Variants in AOX1 observed in about 807,000 individuals in gnomAD.
AOX1 encodes the protein aldehyde oxidase.
A neutral mutation model predicts 169.5 loss-of-function variants in AOX1; 153 were observed. That is an observed-to-expected ratio of 0.90 (90% CI 0.79 to 1.03). The LOEUF (loss-of-function observed/expected upper bound fraction) is 1.03, where lower values mean the gene tolerates loss of function less well. Ranked by LOEUF, AOX1 falls within the 50% of genes least tolerant of loss-of-function variation. The probability of loss-of-function intolerance (pLI) is 0.00; values close to 1 mark genes in which losing one functional copy is unlikely to be tolerated. For missense variants in AOX1, 1,656 were observed against 1,663.9 expected, an observed-to-expected ratio of 1.00 and a Z score of 0.08; for synonymous variants, 562 against 581.9, an observed-to-expected ratio of 0.97 and a Z score of 0.49.
intron 33 of AOX1, among the ~76,000 whole-genome samples, 169 bp from the exon 34 acceptor site, chr2:200,669,406 T>A (rs1273751792): frequency 2.0e-5 from 3 of 151,466 alleles, no homozygotes; most frequent in Non-Finnish European, 4.4e-5. Context: ...ATTGTGTCAC[T>A]ACACTCCAGT....
chr2:200,623,794 G>C, intron 18 of AOX1, 67 bp from the exon 19 acceptor site: 1 of 1,607,498 alleles, frequency 6.2e-7, no homozygotes, highest in East Asian at 2.2e-5. Context: ...GAGGGAGGAA[G>C]AAAATGAATA....
chr2:200,600,749 T>C (rs910944357), intron 5 of AOX1, among the ~76,000 whole-genome samples: 5 of 152,188 alleles, frequency 3.3e-5, no homozygotes, highest in African/African-American at 1.2e-4. Context: ...GATCTTATCA[T>C]GAATTTGATT....
chr2:200,661,133 C>T lies in AOX1; in HGVS notation c.3376-446C>T, dbSNP rs180777716. On this transcript the variant is annotated intron_variant, in intron 29 of 34. Coordinates refer to ENST00000374700, the MANE Select transcript of AOX1 (RefSeq NM_001159.4). ...TACAATTTAGCAAAATTATTCCCCT[C>T]ACCTGAAACAAATGTGTCCAGAAAG... is the stretch of plus-strand genomic sequence containing the variant. Among the ~76,000 whole-genome samples the T allele has an allele frequency of 4.6e-3, 696 of 152,290 alleles. 4 individuals are homozygous for T. The highest frequency in any genetic ancestry group is 0.013 in the South Asian group (62 of 4,816).
rs540242322 is a variant in AOX1, at chr2:200,602,296, G to C, written c.449G>C (p.Arg150Pro). 6.2e-7 allele frequency: 1 copy of C among 1,613,520 alleles called. No individual in the cohort carries two copies. The highest frequency in any genetic ancestry group is 1.3e-5 in the African/African-American group (1 of 74,876). The change falls in exon 6 of 35, where the codon CGT becomes CCT. Residue 150 changes from arginine (R) to proline (P), a missense_variant. By Grantham distance (103) the Arg-to-Pro change is moderately radical. Coordinates refer to ENST00000374700, the MANE Select transcript of AOX1 (RefSeq NM_001159.4). The part of the protein sequence containing the change: ...LTDALGGNLC[R>P]CTGYRPIIDA... ...TTTTCTCCTTCAGGTAACCTGTGCC[G>C]TTGCACTGGATACAGGCCCATAATT...
rs1251274583 is a variant in AOX1 at position 200,659,784 on chromosome 2, TCTCACACACACA to T, written c.3301-209_3301-198del. On this transcript the variant is annotated intron_variant, in intron 28 of 34. Transcript: ENST00000374700. ...CATGGCTTACAAGGCCAGTTCTCTC[TCTCACACACACA>T]CACACACACACACACACACACACAC... is the stretch of plus-strand genomic sequence containing the variant. 1.2e-3 allele frequency among the ~76,000 whole-genome samples: 94 copies of T among 79,626 alleles called. No individual in the cohort carries two copies. The East Asian group carries it at 0.047, about 40-fold the overall frequency. 52.2% of individuals were successfully genotyped at this position (79,626 alleles called of 152,430 possible).
At chr2:200,668,974 CCAAATCTTAGAA>C (rs2105778365) in intron 33 of AOX1, among the ~76,000 whole-genome samples, 171 bp downstream of exon 33, 1 of 152,200 alleles carries the variant, frequency 6.6e-6, no homozygotes, top group East Asian at 1.9e-4. Context: ...TTTTAGTATT[CCAAATCTTAGAA>C]CTTAACATCA....
Position 200,627,394 on chromosome 2 carries a change from A to G in AOX1, c.2166A>G (p.Lys722=). The change falls in exon 20 of 35, where the codon AAA becomes AAG. Residue 722 remains lysine (K), a synonymous_variant. Coordinates refer to ENST00000374700, the MANE Select transcript of AOX1 (RefSeq NM_001159.4). The stretch of plus-strand genomic sequence containing the variant: ...ACTCCTCCTTCAAGCCAGAAAGGAA[A>G]CTGGAATATGGAAATGTTGACGAAG... ...QHNSSFKPER[K]LEYGNVDEAF... 6.2e-7 allele frequency: 1 copy of G among 1,613,946 alleles called. No individual in the cohort carries two copies. Among genetic ancestry groups the G allele is most frequent in the East Asian group, 2.2e-5 (1 of 44,884 alleles).
chr2:200,641,229 A>G, intron 24 of AOX1, 45 bp downstream of exon 24: 8 of 1,331,380 alleles, frequency 6.0e-6, no homozygotes, highest in Non-Finnish European at 7.5e-6. Flanking sequence ...AAAGAGTGTT[A>G]CATAAAATAA....
intron 3 of AOX1, among the ~76,000 whole-genome samples, chr2:200,597,001 G>A (rs1209991686): frequency 6.6e-6 from 1 of 152,276 alleles, no homozygotes; most frequent in East Asian, 1.9e-4. Context: ...AGGTGTTGGT[G>A]AAGTCTGGCT....
intron 29 of AOX1, among the ~76,000 whole-genome samples, 168 bp downstream of exon 29, chr2:200,660,237 T>C (rs1034467554): frequency 1.3e-5 from 2 of 152,230 alleles, no homozygotes; most frequent in African/African-American, 4.8e-5. Context: ...GGAAATCCTA[T>C]CACAGTGTGG....
intron 1 of AOX1, chr2:200,588,049 C>T (rs1019157840): frequency 6.6e-6 from 1 of 152,128 alleles, no homozygotes; most frequent in South Asian, 2.1e-4. Context: ...CATATAAATA[C>T]GTGGAAATGT....
chr2:200,586,167 G>T lies in AOX1; in HGVS notation c.45+14G>T. 6.4e-7 allele frequency: 1 copy of T among 1,553,384 alleles called. No homozygotes were observed. Among genetic ancestry groups the T allele is most frequent in the South Asian group, 1.2e-5 (1 of 84,174 alleles). On this transcript the variant is annotated intron_variant, in intron 1 of 34. Coordinates refer to ENST00000374700, the MANE Select transcript of AOX1 (RefSeq NM_001159.4). ...AACGGCCGCAAGGTGAGCGCCCGCGGGCTTCCTCTGCCCCCAGACCTGCGG... is the reference window on the plus strand; with the variant it reads ...AACGGCCGCAAGGTGAGCGCCCGCGTGCTTCCTCTGCCCCCAGACCTGCGG...
chr2:200,588,726 C>CTTTTTTGTTTTTTTTTTTTTTTTTTTTT (rs2034096474), intron 1 of AOX1, among the ~76,000 whole-genome samples: 1 of 53,986 alleles, frequency 1.9e-5, no homozygotes, highest in Non-Finnish European at 3.9e-5. Context: ...CTAGAATAAG[C>CTTTTTTGTTTTTTTTTTTTTTTTTTTTT]TTTTTTTTTT....
At chr2:200,677,370 C>T (rs1008953543), downstream of AOX1, among the ~76,000 whole-genome samples, 3 of 152,178 alleles carry the variant, frequency 2.0e-5, no homozygotes, top group African/African-American at 7.2e-5. Flanking sequence ...CACCTGTATT[C>T]ATCCAAGCCA....
intron 2 of AOX1, among the ~76,000 whole-genome samples, chr2:200,593,700 GAC>G (rs972266721): frequency 2.6e-5 from 4 of 152,308 alleles, no homozygotes; most frequent in African/African-American, 7.2e-5. Flanking sequence ...GACGGTGAAA[GAC>G]ACTACTGAAT....
chr2:200,624,976 G>A (rs574137904), intron 19 of AOX1, among the ~76,000 whole-genome samples: 38 of 152,300 alleles, frequency 2.5e-4, no homozygotes, highest in Non-Finnish European at 5.0e-4. Flanking sequence ...ACCTGGGCAC[G>A]ATCAGTGTCT....
At position 200,651,104 on chromosome 2, in the gene AOX1, T is replaced by C; in HGVS notation, c.2978T>C (p.Val993Ala). Residue 993 changes from valine to alanine, a missense_variant, in exon 26 of 35, where the codon GTG (valine) becomes GCG (alanine). Coordinates refer to ENST00000374700, the MANE Select transcript of AOX1 (RefSeq NM_001159.4). Reference sequence around the variant, plus strand: ...TCCTACTCCTTGAGGAAAGTTGCTGTGGAAAAGTTCAATGCAGAGAATTAT... The same window carrying C: ...TCCTACTCCTTGAGGAAAGTTGCTGCGGAAAAGTTCAATGCAGAGAATTAT... ...MSSYSLRKVA[V>A]EKFNAENYWK... is the part of the protein sequence containing the mutation. 1.2e-6 allele frequency: 2 copies of C among 1,614,160 alleles called. No individual in the cohort carries two copies. Among genetic ancestry groups the C allele is most frequent in the Non-Finnish European group, 1.7e-6 (2 of 1,180,018 alleles).
intron 2 of AOX1, among the ~76,000 whole-genome samples, chr2:200,593,708 T>C (rs2034221513): frequency 6.6e-6 from 1 of 152,240 alleles, no homozygotes; most frequent in South Asian, 2.1e-4. Flanking sequence ...AAGACACTAC[T>C]GAATTATATG....
Position 200,616,037 on chromosome 2 carries a change from C to T in AOX1, c.1678C>T (p.His560Tyr), listed in dbSNP as rs1316908345. Residue 560 changes from histidine (H) to tyrosine (Y), a missense_variant, in exon 16 of 35, where the codon CAT becomes TAT. By Grantham distance (83) the His-to-Tyr change is moderately conservative. Transcript: ENST00000374700. ...ESALEDLHSKHHCSTLKYQNI... is the reference protein window; with the variant it reads ...ESALEDLHSKYHCSTLKYQNI... ...TGCTTTAGAAGATCTTCATTCCAAA[C>T]ATCACTGCAGTACATTAAAGTACCA... 1 of 1,613,550 alleles carries T rather than the reference C, an allele frequency of 6.2e-7. No homozygotes were observed. Among genetic ancestry groups the T allele is most frequent in the Non-Finnish European group, 8.5e-7 (1 of 1,179,476 alleles).
Sources: allele counts gnomAD v4.1 joint callset (sites outside exome capture counted in the v4.1 genomes callset), GRCh38; gene constraint gnomAD v4.1.1; transcripts MANE v1.5; gene names NCBI Gene and HGNC (gene_info 2026-07-23, HGNC 2026-07-21).